The following RORA variants were observed in gnomAD, a reference collection of about 807,000 sequenced individuals.
The protein encoded by RORA is RAR related orphan receptor A, also known as nuclear receptor ROR-alpha.
Under a neutral mutation model 69.5 loss-of-function variants are expected in RORA, and 7 were observed. The observed-to-expected ratio is 0.10, with a 90% CI of 0.06 to 0.19. The LOEUF (loss-of-function observed/expected upper bound fraction) is 0.19, where lower values mean the gene tolerates loss of function less well. Ranked by LOEUF, RORA falls within the 10% of genes least tolerant of loss-of-function variation. RORA has a pLI of 1.00. For missense variants in RORA, 457 were observed against 663.0 expected (o/e 0.69, Z 3.41); for synonymous variants, 261 against 240.8 (o/e 1.08, Z -0.78).
At chr15:60,735,246 TA>T (rs1294370716) in intron 1 of RORA, among the ~76,000 whole-genome samples, 1 of 152,216 alleles carries the variant, frequency 6.6e-6, no homozygotes, top group Non-Finnish European at 1.5e-5. Context: ...TTGCTTATGA[TA>T]AAAGACATCT....
intron 2 of RORA, among the ~76,000 whole-genome samples, chr15:60,621,528 C>T (rs2069407394): frequency 6.6e-6 from 1 of 152,274 alleles, no homozygotes; most frequent in South Asian, 2.1e-4. Context: ...TGAAGAATGA[C>T]TCCAGTGGGG....
chr15:60,868,807 G>A (rs1326475777), intron 1 of RORA, among the ~76,000 whole-genome samples: 1 of 152,078 alleles, frequency 6.6e-6, no homozygotes, highest in Non-Finnish European at 1.5e-5. Context: ...TTTTCCAGGG[G>A]GGAAAAACAC....
chr15:61,219,431 T>C (rs2080073207), intron 1 of RORA, among the ~76,000 whole-genome samples: 1 of 152,088 alleles, frequency 6.6e-6, no homozygotes, highest in Non-Finnish European at 1.5e-5. Flanking sequence ...AAAAATCATC[T>C]GGGCGCGGTG....
Position 60,531,927 on chromosome 15 carries a change from T to G in RORA, c.197-76A>C. The stretch of plus-strand genomic sequence containing the variant: ...ATAAAAGCGTTCCCTGATCAGCATT[T>G]GTATAGTGAAAACTAATAACCTGCT... On this transcript the variant is annotated intron_variant, in intron 2 of 10. Coordinates refer to ENST00000335670, the MANE Select transcript of RORA (RefSeq NM_134261.3). The surrounding 1 kb of genome is among the most constrained non-coding windows in gnomAD (Gnocchi z 4.8). 2 of 820,468 alleles carry G rather than the reference T, an allele frequency of 2.4e-6. No homozygotes were observed. The highest frequency in any genetic ancestry group is 4.0e-6 in the Non-Finnish European group (2 of 504,050). 50.8% of individuals were successfully genotyped at this position (820,468 alleles called of 1,614,324 possible). A position where few individuals can be genotyped will look rare whatever the true frequency, so the allele number is the denominator to read the frequency against.
rs533254344 is a variant in RORA, at chr15:60,923,545, G to A, written c.167-244859C>T. Among the ~76,000 whole-genome samples the A allele has an allele frequency of 4.5e-4, 69 of 152,302 alleles. No individual in the cohort carries two copies. In the South Asian group the frequency reaches 0.012, roughly 27 times the overall value. On this transcript the variant is annotated intron_variant, in intron 1 of 10. Transcript: ENST00000335670. ...CACTTGAGTCAAGGCACCAACTTCC[G>A]TGGGCTTCCGATGATTTCTAGGGTC...
chr15:61,141,790 G>A (rs941260106), intron 1 of RORA, among the ~76,000 whole-genome samples: 8 of 152,280 alleles, frequency 5.3e-5, no homozygotes, highest in Middle Eastern at 3.4e-3. Flanking sequence ...TCCTCAAATC[G>A]CCCTGCAAAA....
intron 2 of RORA, among the ~76,000 whole-genome samples, chr15:60,568,670 T>C (rs2042892458): frequency 6.6e-6 from 1 of 152,188 alleles, no homozygotes; most frequent in South Asian, 2.1e-4. Context: ...CAGGACCTCC[T>C]CTCCTTTGGC....
intron 1 of RORA, among the ~76,000 whole-genome samples, chr15:60,906,531 G>C (rs554042274): frequency 6.6e-6 from 1 of 152,272 alleles, no homozygotes; most frequent in Admixed American, 6.5e-5. Context: ...AGCCATTCTA[G>C]GAAATCTCTC....
intron 2 of RORA, chr15:60,630,650 G>C (rs1016533717): frequency 5.9e-5 from 9 of 152,220 alleles, no homozygotes; most frequent in African/African-American, 2.2e-4. Context: ...CAAGGAGCGT[G>C]TCTTTGTTAT....
chr15:60,870,441 A>C (rs1385233852), intron 1 of RORA, among the ~76,000 whole-genome samples: 1 of 152,210 alleles, frequency 6.6e-6, no homozygotes, highest in Admixed American at 6.5e-5. Context: ...GAAGCAGTTC[A>C]TATGTTGGTC....
chr15:60,615,486 C>G (rs774231090), intron 2 of RORA, among the ~76,000 whole-genome samples: 16 of 152,178 alleles, frequency 1.1e-4, no homozygotes, highest in Non-Finnish European at 2.2e-4. Flanking sequence ...GCTTGCTAAG[C>G]AGGTAACTCT....
chr15:60,769,417 C>CA (rs934303115), intron 1 of RORA, among the ~76,000 whole-genome samples: 15 of 151,800 alleles, frequency 9.9e-5, no homozygotes, highest in Admixed American at 3.3e-4. Context: ...AAAAGAACAA[C>CA]AAAAAAAACC....
At chr15:60,661,318 C>T (rs1469439065) in intron 2 of RORA, among the ~76,000 whole-genome samples, 2 of 152,162 alleles carry the variant, frequency 1.3e-5, no homozygotes, top group African/African-American at 4.8e-5. Flanking sequence ...CTTGATATAG[C>T]ATACATGGGA....
intron 1 of RORA, among the ~76,000 whole-genome samples, chr15:60,808,592 T>C (rs1483202863): frequency 6.6e-6 from 1 of 151,878 alleles, no homozygotes; most frequent in African/African-American, 2.4e-5. Context: ...AGTCATTATA[T>C]GAAAAAGATA....
At chr15:61,203,727 T>C (rs1278556129) in intron 1 of RORA, among the ~76,000 whole-genome samples, 4 of 152,056 alleles carry the variant, frequency 2.6e-5, no homozygotes, top group South Asian at 2.1e-4. Context: ...GCAGAATAAA[T>C]AAATAGATCC....
At chr15:61,044,020 C>T (rs1896909188) in intron 1 of RORA, among the ~76,000 whole-genome samples, 1 of 152,004 alleles carries the variant, frequency 6.6e-6, no homozygotes, top group South Asian at 2.1e-4. Context: ...AAACACGGAC[C>T]CCAGGCTCCT....
At chr15:60,674,053 G>A (rs1259760568) in intron 2 of RORA, among the ~76,000 whole-genome samples, 1 of 152,308 alleles carries the variant, frequency 6.6e-6, no homozygotes, top group African/African-American at 2.4e-5. Flanking sequence ...GAACTTCAGC[G>A]TGGCTTCTTC....
chr15:61,063,871 T>C (rs538652059), intron 1 of RORA, among the ~76,000 whole-genome samples: 1 of 152,222 alleles, frequency 6.6e-6, no homozygotes. Flanking sequence ...GAGAGCACGT[T>C]TGGCCTAGCT....
At chr15:61,102,358 T>C (rs1271950492) in intron 1 of RORA, among the ~76,000 whole-genome samples, 2 of 152,152 alleles carry the variant, frequency 1.3e-5, no homozygotes, top group Non-Finnish European at 2.9e-5. Flanking sequence ...GAGTGGCCTA[T>C]AAACATCCCT....
Sources: gnomAD v4.1 joint callset for allele counts (sites outside exome capture counted in the v4.1 genomes callset) on GRCh38, gnomAD v4.1.1 for gene constraint, Gnocchi (gnomAD v3.1) non-coding constraint, MANE v1.5 for transcripts, NCBI Gene and HGNC (gene_info 2026-07-23, HGNC 2026-07-21) for gene names.